The following AQP9 variants were observed in gnomAD, a reference collection of about 807,000 sequenced individuals.
The protein encoded by AQP9 is aquaporin-9.
Under a neutral mutation model 23.8 loss-of-function variants are expected in AQP9, and 19 were observed. The observed-to-expected ratio is 0.80, with a 90% CI of 0.56 to 1.17. The LOEUF (loss-of-function observed/expected upper bound fraction) is 1.17. Among genes scored for constraint, AQP9 ranks in the 50% most tolerant of loss-of-function variants. The probability of loss-of-function intolerance (pLI) is 0.00; values close to 1 mark genes in which losing one functional copy is unlikely to be tolerated. For synonymous variants in AQP9, 153 were observed against 131.5 expected (o/e 1.16, Z -1.12); for missense variants, 413 against 362.0 (o/e 1.14, Z -1.14).
At chr15:58,175,444 A>G (rs1346612000) in intron 4 of AQP9, among the ~76,000 whole-genome samples, 2 of 152,222 alleles carry the variant, frequency 1.3e-5, no homozygotes, top group African/African-American at 4.8e-5. Context: ...GGGATCATCA[A>G]TCCTCTCTGT....
chr15:58,162,044 T>C (rs188592760), intron 1 of AQP9, among the ~76,000 whole-genome samples: 1 of 152,352 alleles, frequency 6.6e-6, no homozygotes, highest in African/African-American at 2.4e-5. Flanking sequence ...GGCATAAATA[T>C]GTAAACAGTT....
intron 1 of AQP9, among the ~76,000 whole-genome samples, chr15:58,143,617 T>A (rs1480665175): frequency 6.6e-6 from 1 of 152,212 alleles, no homozygotes; most frequent in African/African-American, 2.4e-5. Flanking sequence ...GAATATATAT[T>A]ATAGTTTTAT....
At chr15:58,183,113 G>A (rs568007147) in intron 5 of AQP9, among the ~76,000 whole-genome samples, 4 of 152,252 alleles carry the variant, frequency 2.6e-5, no homozygotes, top group African/African-American at 9.6e-5. Flanking sequence ...ATGCCTCTGG[G>A]TACTCCTCTT....
At chr15:58,148,768 C>T (rs1159019843) in intron 1 of AQP9, among the ~76,000 whole-genome samples, 1 of 152,116 alleles carries the variant, frequency 6.6e-6, no homozygotes, top group Non-Finnish European at 1.5e-5. Context: ...CTTTTCAGCC[C>T]AGTAGAGATA....
In AQP9 at chr15:58,138,678, T is replaced by C; in HGVS notation, c.111+2T>C. The C allele has an allele frequency of 3.1e-6, 5 of 1,613,062 alleles. No individual in the cohort carries two copies. Among genetic ancestry groups the C allele is most frequent in the East Asian group, 2.2e-5 (1 of 44,860 alleles). ...TTCTTGGGCACGTTCATCTTGATTG[T>C]AAGTATTTCCTGATTTCCTACATTC... On this transcript the variant is annotated splice_donor_variant, in intron 1 of 5. Transcript: ENST00000219919. LOFTEE classifies it high-confidence loss of function.
chr15:58,152,389 G>C (rs557064055), intron 1 of AQP9: 1 of 152,180 alleles, frequency 6.6e-6, no homozygotes, highest in East Asian at 1.9e-4. Context: ...AGGGACACTT[G>C]TGTATTACAT....
intron 2 of AQP9, among the ~76,000 whole-genome samples, chr15:58,170,933 T>G (rs1298979856): frequency 6.6e-6 from 1 of 151,634 alleles, no homozygotes; most frequent in Non-Finnish European, 1.5e-5. Flanking sequence ...CCCTTGGTTT[T>G]TTGTTGTTGT....
intron 1 of AQP9, among the ~76,000 whole-genome samples, chr15:58,147,185 T>C (rs1223174217): frequency 1.3e-5 from 2 of 152,174 alleles, no homozygotes; most frequent in Non-Finnish European, 2.9e-5. Flanking sequence ...CTCACTGTTT[T>C]CATTGACTTT....
chr15:58,145,880 T>G (rs1407680721), intron 1 of AQP9, among the ~76,000 whole-genome samples: 16 of 152,302 alleles, frequency 1.1e-4, no homozygotes, highest in African/African-American at 3.8e-4. Flanking sequence ...TGCTCAAGGT[T>G]GAATGATAAA....
intron 1 of AQP9, chr15:58,151,036 C>T (rs1261556474): frequency 7.9e-5 from 12 of 152,170 alleles, no homozygotes; most frequent in Admixed American, 6.5e-4. Flanking sequence ...TTACCAAATG[C>T]CCTTTATTTA....
At chr15:58,179,411 T>C in intron 5 of AQP9, 66 bp downstream of exon 5, 1 of 1,444,094 alleles carries the variant, frequency 6.9e-7, no homozygotes, top group Non-Finnish European at 9.4e-7. Context: ...GGGCGGGGCT[T>C]TGACATGGAG....
At chr15:58,172,926 C>T in intron 2 of AQP9, 142 bp from the exon 3 acceptor site, 2 of 965,852 alleles carry the variant, frequency 2.1e-6, no homozygotes, top group Non-Finnish European at 3.1e-6. Flanking sequence ...CTCTCTCTTT[C>T]ACGTGCATAC....
chr15:58,142,950 C>T (rs1312307963), intron 1 of AQP9, among the ~76,000 whole-genome samples: 1 of 152,124 alleles, frequency 6.6e-6, no homozygotes, highest in Admixed American at 6.5e-5. Flanking sequence ...GTTTGTCTGT[C>T]CAAGTCGTGC....
chr15:58,183,309 C>T (rs1407285990), intron 5 of AQP9, among the ~76,000 whole-genome samples: 1 of 152,196 alleles, frequency 6.6e-6, no homozygotes, highest in Non-Finnish European at 1.5e-5. Flanking sequence ...GGTGACAACT[C>T]ACAAAGATAC....
intron 5 of AQP9, among the ~76,000 whole-genome samples, chr15:58,180,435 G>A (rs1401446284): frequency 6.6e-6 from 1 of 152,198 alleles, no homozygotes; most frequent in African/African-American, 2.4e-5. Context: ...AGAGCATCTA[G>A]AGTGTAAGTG....
At chr15:58,182,614 G>A (rs1374471291) in intron 5 of AQP9, among the ~76,000 whole-genome samples, 8 of 152,144 alleles carry the variant, frequency 5.3e-5, no homozygotes, top group Non-Finnish European at 1.0e-4. Flanking sequence ...ACAGCCAAAC[G>A]GGAGAGGCAG....
intron 1 of AQP9, chr15:58,155,374 T>G (rs1898228657): frequency 6.6e-6 from 1 of 152,198 alleles, no homozygotes; most frequent in South Asian, 2.1e-4. Context: ...AGGCCAAATC[T>G]TCTGAGTTTT....
intron 1 of AQP9, among the ~76,000 whole-genome samples, chr15:58,163,443 T>G (rs1255106626): frequency 6.6e-6 from 1 of 151,834 alleles, no homozygotes; most frequent in Non-Finnish European, 1.5e-5. Flanking sequence ...ACATTAAACA[T>G]CCACAATGTT....
At chr15:58,149,363 T>C (rs540135728) in intron 1 of AQP9, among the ~76,000 whole-genome samples, 9 of 152,340 alleles carry the variant, frequency 5.9e-5, no homozygotes, top group African/African-American at 1.4e-4. Flanking sequence ...GCAAATGCCA[T>C]GTGAATGTTT....
Sources: gnomAD v4.1 joint callset for allele counts (sites outside exome capture counted in the v4.1 genomes callset) on GRCh38, gnomAD v4.1.1 for gene constraint, MANE v1.5 for transcripts, NCBI Gene and HGNC (gene_info 2026-07-23, HGNC 2026-07-21) for gene names.